ERC1: variants seen among roughly 807,000 people sequenced by gnomAD.
The protein encoded by ERC1 is RAB6 interacting protein 2.
A neutral mutation model predicts 132.0 loss-of-function variants in ERC1; 56 were observed. The ratio of observed to expected loss-of-function variants is 0.42; its 90% CI spans 0.34 to 0.53. ERC1 has a LOEUF of 0.53. Ranked by LOEUF, ERC1 falls within the 20% of genes least tolerant of loss-of-function variation. ERC1 has a pLI of 0.03. For synonymous variants in ERC1, 478 were observed against 476.1 expected (o/e 1.00, Z -0.05); for missense variants, 1,202 against 1,349.9 (o/e 0.89, Z 1.72).
intron 18 of ERC1, among the ~76,000 whole-genome samples, chr12:1,472,282 G>A (rs918277197): frequency 2.0e-5 from 3 of 152,224 alleles, no homozygotes; most frequent in African/African-American, 7.2e-5. Context: ...GGGAAGCAGA[G>A]AAGCTCTTGA....
intron 12 of ERC1, 115 bp from the exon 13 acceptor site, chr12:1,236,654 A>G: frequency 9.6e-7 from 1 of 1,040,778 alleles, no homozygotes; most frequent in Non-Finnish European, 1.3e-6. Flanking sequence ...CGCAGCATGT[A>G]TTTATTCGTT....
intron 7 of ERC1, among the ~76,000 whole-genome samples, chr12:1,136,758 C>T (rs1949284112): frequency 6.6e-6 from 1 of 152,166 alleles, no homozygotes; most frequent in East Asian, 1.9e-4. Flanking sequence ...ACAAGTATAT[C>T]ATGCTGTTTC....
chr12:1,140,944 T>C (rs930355016), intron 7 of ERC1, among the ~76,000 whole-genome samples: 3 of 152,190 alleles, frequency 2.0e-5, no homozygotes, highest in Non-Finnish European at 4.4e-5. Flanking sequence ...ATATGACTTA[T>C]TATTTTCCTG....
At chr12:1,007,569 T>TAC (rs1555194936) in intron 1 of ERC1, among the ~76,000 whole-genome samples, 14 of 136,176 alleles carry the variant, frequency 1.0e-4, no homozygotes, top group Non-Finnish European at 2.1e-4. Context: ...TGTGTGTGTG[T>TAC]ACACACTTTG....
intron 2 of ERC1, among the ~76,000 whole-genome samples, chr12:1,030,359 A>C (rs1967782862): frequency 6.6e-6 from 1 of 152,226 alleles, no homozygotes; most frequent in South Asian, 2.1e-4. Flanking sequence ...CTGATGAAGA[A>C]GTCATCTGCC....
intron 14 of ERC1, among the ~76,000 whole-genome samples, chr12:1,267,167 C>T (rs558053152): frequency 2.0e-5 from 3 of 152,254 alleles, no homozygotes; most frequent in African/African-American, 7.2e-5. Context: ...AAGGTGCCCC[C>T]TAACCTGTGT....
chr12:1,312,655 G>A lies in ERC1; in HGVS notation c.2780+22643G>A, dbSNP rs943246260. On this transcript the variant is annotated intron_variant, in intron 15 of 18. Transcript: ENST00000360905. ...ATCACAGGCGTGAACCACCACACCC[G>A]GCCAAAGCAGTTTTTTTTACATATA... Among the ~76,000 whole-genome samples, 9 of 152,132 alleles carry A rather than the reference G, an allele frequency of 5.9e-5. No individual in the cohort carries two copies. The South Asian group carries it at 6.2e-4, about 11-fold the overall frequency.
rs189694856 is a variant in ERC1, at chr12:1,268,698, A to G, written c.2619+5533A>G. ...GGAGAATGGCGTGAATCTGGGAGGC[A>G]GAGTTTGCAGTGAGCTGAGATCGTG... On this transcript the variant is annotated intron_variant, in intron 14 of 18. Transcript: ENST00000360905. Among the ~76,000 whole-genome samples, 252 of 152,286 alleles carry G rather than the reference A, an allele frequency of 1.7e-3. 3 individuals are homozygous for G. The highest frequency in any genetic ancestry group is 5.7e-3 in the African/African-American group (235 of 41,562).
intron 15 of ERC1, among the ~76,000 whole-genome samples, chr12:1,317,284 C>T (rs897878866): frequency 2.6e-5 from 4 of 151,990 alleles, no homozygotes; most frequent in Admixed American, 6.6e-5. Context: ...AACCATCATT[C>T]TCAGCAAACT....
intron 8 of ERC1, among the ~76,000 whole-genome samples, chr12:1,143,601 G>C (rs1392841713): frequency 7.5e-6 from 1 of 133,204 alleles, no homozygotes; most frequent in Non-Finnish European, 1.6e-5. Context: ...TTTTTTTCTT[G>C]GCTATTTTTC....
intron 18 of ERC1, among the ~76,000 whole-genome samples, chr12:1,451,319 A>G (rs544555862): frequency 6.6e-6 from 1 of 152,308 alleles, no homozygotes; most frequent in South Asian, 2.1e-4. Context: ...TTCTCTCTAA[A>G]GAACTTACTG....
chr12:1,396,988 C>G (rs1031201634), intron 16 of ERC1, among the ~76,000 whole-genome samples: 1 of 152,182 alleles, frequency 6.6e-6, no homozygotes, highest in Non-Finnish European at 1.5e-5. Flanking sequence ...CCAAAGTTAT[C>G]AAGCCTGTAC....
chr12:1,146,865 C>A (rs1265018354), intron 8 of ERC1, among the ~76,000 whole-genome samples: 1 of 145,956 alleles, frequency 6.9e-6, no homozygotes, highest in Non-Finnish European at 1.5e-5. Context: ...TGAGTGAGAA[C>A]ATGCAGTGTT....
rs139519450 is a variant in ERC1, at chr12:1,055,531, G to C, written c.669+26959G>C. Among the ~76,000 whole-genome samples the C allele has an allele frequency of 6.1e-4, 93 of 152,194 alleles. No homozygotes were observed. The East Asian group carries it at 0.016, about 26-fold the overall frequency. Reference sequence around the variant, plus strand: ...TTTGATATATAGGCTTACACAATTAGTATATCTTAAATTATGTAATGAATT... The same window carrying C: ...TTTGATATATAGGCTTACACAATTACTATATCTTAAATTATGTAATGAATT... On this transcript the variant is annotated intron_variant, in intron 2 of 18. Transcript: ENST00000360905.
chr12:1,073,059 T>C (rs1318111533), intron 2 of ERC1, among the ~76,000 whole-genome samples: 1 of 152,088 alleles, frequency 6.6e-6, no homozygotes, highest in Non-Finnish European at 1.5e-5. Context: ...CCCAGCACTT[T>C]GGGAGGCTGA....
intron 18 of ERC1, among the ~76,000 whole-genome samples, chr12:1,448,233 T>C (rs140518791): frequency 1.1e-3 from 168 of 152,354 alleles, no homozygotes; most frequent in African/African-American, 3.9e-3. Context: ...TAATTGAGAA[T>C]GTACTTCAGT....
chr12:1,472,524 G>A (rs541980847), intron 18 of ERC1, among the ~76,000 whole-genome samples: 2 of 151,970 alleles, frequency 1.3e-5, no homozygotes, highest in East Asian at 1.9e-4. Flanking sequence ...CTGGCATTTC[G>A]CTGTAGTCCC....
intron 3 of ERC1, among the ~76,000 whole-genome samples, chr12:1,094,412 TCTC>T (rs1288320405): frequency 1.4e-5 from 1 of 70,556 alleles, no homozygotes; most frequent in Non-Finnish European, 5.4e-5. Flanking sequence ...ATTCCTTCTC[TCTC>T]TTTTTTTTTT....
intron 2 of ERC1, among the ~76,000 whole-genome samples, chr12:1,039,361 AAT>A: frequency 6.7e-6 from 1 of 149,876 alleles, no homozygotes; most frequent in African/African-American, 2.4e-5. Context: ...AATAAAAATA[AAT>A]AAATAAATAA....
Sources: allele counts gnomAD v4.1 joint callset (sites outside exome capture counted in the v4.1 genomes callset), GRCh38; gene constraint gnomAD v4.1.1; transcripts MANE v1.5; gene names NCBI Gene and HGNC (gene_info 2026-07-23, HGNC 2026-07-21).